MGAT4C: variants seen among roughly 807,000 people sequenced by gnomAD.
MGAT4C encodes MGAT4 family member C.
MGAT4C carries 19 observed loss-of-function variants against 40.1 expected under a neutral mutation model. That is an observed-to-expected ratio of 0.47 (90% confidence interval 0.33 to 0.70). The LOEUF is 0.70. Among genes scored for constraint, MGAT4C ranks in the 30% least tolerant of loss-of-function variants. MGAT4C has a pLI of 0.02. For missense variants in MGAT4C, 491 were observed against 563.2 expected, an observed-to-expected ratio of 0.87 and a Z score of 1.30; for synonymous variants, 181 against 187.1, an observed-to-expected ratio of 0.97 and a Z score of 0.27.
intron 2 of MGAT4C, among the ~76,000 whole-genome samples, chr12:85,991,706 C>CA (rs1196049829): frequency 1.3e-5 from 2 of 152,182 alleles, no homozygotes; most frequent in Non-Finnish European, 1.5e-5. Context: ...TGGGGGAACT[C>CA]AGTGTCTGGG....
chr12:86,194,389 T>G (rs1165223153), intron 1 of MGAT4C, among the ~76,000 whole-genome samples: 2 of 152,102 alleles, frequency 1.3e-5, no homozygotes, highest in Non-Finnish European at 2.9e-5. Context: ...GATTTTTTAA[T>G]GTAGGTATTT....
intron 1 of MGAT4C, among the ~76,000 whole-genome samples, chr12:86,751,516 C>T (rs2136141778): frequency 6.6e-6 from 1 of 152,136 alleles, no homozygotes; most frequent in African/African-American, 2.4e-5. Flanking sequence ...AATCCAGCCC[C>T]TGCACTCAGC....
chr12:86,308,483 G>A (rs185885460), intron 4 of MGAT4C, among the ~76,000 whole-genome samples: 1 of 150,052 alleles, frequency 6.7e-6, no homozygotes, highest in Non-Finnish European at 1.5e-5. Flanking sequence ...CTGAGGGAAA[G>A]AAAAATAAAA....
chr12:86,835,351 T>TA (rs1370117971), intron 1 of MGAT4C, among the ~76,000 whole-genome samples: 13 of 151,974 alleles, frequency 8.6e-5, no homozygotes, highest in African/African-American at 2.9e-4. Context: ...TTACTCTCAT[T>TA]AAAAAATGTT....
Position 86,740,753 on chromosome 12 carries a change from C to A in MGAT4C, c.-261-13512G>T, listed in dbSNP as rs1951057355. On this transcript the variant is annotated intron_variant, in intron 1 of 7. Transcript: ENST00000548651. The stretch of plus-strand genomic sequence containing the variant: ...ATCGGTCTGGTCTTATTCTTAATGA[C>A]ATTAAGTCAAAACAAGTAATTTAGA... 2.0e-5 allele frequency among the ~76,000 whole-genome samples: 3 copies of A among 151,308 alleles called. No homozygotes were observed. In the South Asian group the frequency reaches 6.2e-4, roughly 31 times the overall value.
rs543759382 is a variant in MGAT4C at position 86,398,915 on chromosome 12, C to T, written c.-120+36242G>A. On this transcript the variant is annotated intron_variant, in intron 3 of 7. Coordinates refer to the MGAT4C transcript ENST00000548651. ...TCTGAACAGGCAGGTCTGGGATTTC[C>T]GCTGTCCAGGCCAGGTATTAGATGA... 6.6e-5 allele frequency among the ~76,000 whole-genome samples: 10 copies of T among 152,142 alleles called. No individual in the cohort carries two copies. The South Asian group carries it at 1.2e-3, about 19-fold the overall frequency.
chr12:86,286,536 A>C (rs1212311894), intron 4 of MGAT4C, among the ~76,000 whole-genome samples: 1 of 152,164 alleles, frequency 6.6e-6, no homozygotes, highest in Non-Finnish European at 1.5e-5. Flanking sequence ...AAACCTTTAA[A>C]ATTGAATATT....
At chr12:86,678,823 C>T (rs557910079) in intron 2 of MGAT4C, among the ~76,000 whole-genome samples, 12 of 152,062 alleles carry the variant, frequency 7.9e-5, no homozygotes, top group Admixed American at 2.6e-4. Context: ...TTAATCCAGT[C>T]TATCATTGTT....
chr12:86,132,602 G>A (rs1038073238), intron 1 of MGAT4C, among the ~76,000 whole-genome samples: 1 of 151,960 alleles, frequency 6.6e-6, no homozygotes, highest in Non-Finnish European at 1.5e-5. Flanking sequence ...GACTATCCTG[G>A]CTAACACGAT....
intron 2 of MGAT4C, among the ~76,000 whole-genome samples, chr12:86,659,599 A>G (rs1469799512): frequency 1.3e-5 from 2 of 152,102 alleles, no homozygotes; most frequent in Admixed American, 6.6e-5. Flanking sequence ...GGAAAACTAA[A>G]TAACAAATGT....
chr12:86,081,818 T>C lies in MGAT4C; in HGVS notation c.-56-32095A>G, dbSNP rs112999704. On this transcript the variant is annotated intron_variant, in intron 1 of 4. Transcript: ENST00000611864. ...ATCTGGAAATATCCCCCCGTTGTCCTAAGATATAACATTGCCGAATGTGAC... is the reference window on the plus strand; with the variant it reads ...ATCTGGAAATATCCCCCCGTTGTCCCAAGATATAACATTGCCGAATGTGAC... Among the ~76,000 whole-genome samples the C allele has an allele frequency of 4.9e-3, 746 of 152,270 alleles. 8 individuals carry two copies. The highest frequency in any genetic ancestry group is 0.017 in the African/African-American group (712 of 41,566).
chr12:86,247,893 G>A (rs1952100053), intron 1 of MGAT4C, among the ~76,000 whole-genome samples: 1 of 152,160 alleles, frequency 6.6e-6, no homozygotes, highest in South Asian at 2.1e-4. Flanking sequence ...GGGAAGAGGG[G>A]AAAGGAGTGT....
chr12:86,183,144 T>G (rs1888313117), intron 1 of MGAT4C, among the ~76,000 whole-genome samples: 1 of 152,238 alleles, frequency 6.6e-6, no homozygotes, highest in Non-Finnish European at 1.5e-5. Flanking sequence ...TCATGCTTTA[T>G]GTTTTCACAT....
rs751016182 is a variant in MGAT4C at position 85,958,293 on chromosome 12, G to C, written c.*20996C>G. On this transcript the variant is annotated 3_prime_UTR_variant, in exon 5 of 5. Transcript: ENST00000611864. ...TCACCTTGTTGGTCAGGCTGGTCTT[G>C]AGCTCCTGATTTCAGGAGTTCTTGG... 2.0e-5 allele frequency: 3 copies of C among 152,112 alleles called. No individual in the cohort carries two copies. Among genetic ancestry groups the C allele is most frequent in the Non-Finnish European group, 4.4e-5 (3 of 68,078 alleles). The allele number at this position is 152,112 out of a possible 1,614,324, so 9.4% of individuals were successfully genotyped here. A position where few individuals can be genotyped will look rare whatever the true frequency, so the allele number is the denominator to read the frequency against.
intron 1 of MGAT4C, among the ~76,000 whole-genome samples, chr12:86,107,370 GTGTT>G (rs1876392633): frequency 6.6e-6 from 1 of 152,210 alleles, no homozygotes; most frequent in East Asian, 1.9e-4. Flanking sequence ...GTGTGTGTGT[GTGTT>G]TAATTTTTAA....
chr12:86,359,260 A>G (rs1955396301), intron 3 of MGAT4C, among the ~76,000 whole-genome samples: 1 of 152,166 alleles, frequency 6.6e-6, no homozygotes, highest in African/African-American at 2.4e-5. Flanking sequence ...GCAGATATAA[A>G]CATGTTCTTT....
At chr12:86,320,215 T>C (rs1042951109) in intron 4 of MGAT4C, among the ~76,000 whole-genome samples, 2 of 152,274 alleles carry the variant, frequency 1.3e-5, no homozygotes, top group African/African-American at 2.4e-5. Context: ...GAAAAAAATA[T>C]TGATATCTGA....
intron 2 of MGAT4C, among the ~76,000 whole-genome samples, chr12:86,472,896 C>G (rs61950762): frequency 0.1 from 15,314 of 151,864 alleles, 1,010 homozygotes; most frequent in Middle Eastern, 0.25. Context: ...ATTGTTAGTA[C>G]GGAAGAGAAA....
intron 3 of MGAT4C, among the ~76,000 whole-genome samples, chr12:86,361,666 G>C (rs1384739375): frequency 1.3e-5 from 2 of 152,186 alleles, no homozygotes; most frequent in African/African-American, 2.4e-5. Flanking sequence ...CCATCAAAAA[G>C]TGGGCGAAGG....
Sources: allele counts gnomAD v4.1 joint callset (sites outside exome capture counted in the v4.1 genomes callset), GRCh38; gene constraint gnomAD v4.1.1; transcripts MANE v1.5; gene names NCBI Gene and HGNC (gene_info 2026-07-23, HGNC 2026-07-21).